The following RB1CC1 variants were observed in gnomAD, a reference collection of about 807,000 sequenced individuals.
RB1CC1 encodes RB1 inducible coiled-coil 1, also known as RB1-inducible coiled-coil protein 1.
Under a neutral mutation model 177.5 loss-of-function variants are expected in RB1CC1, and 46 were observed. The ratio of observed to expected loss-of-function variants is 0.26; its 90% confidence interval spans 0.20 to 0.33. The LOEUF (loss-of-function observed/expected upper bound fraction) is 0.33. Among genes scored for constraint, RB1CC1 ranks in the 10% least tolerant of loss-of-function variants. The pLI is 1.00. For synonymous variants in RB1CC1, 666 were observed against 613.6 expected, an observed-to-expected ratio of 1.09 and a Z score of -1.26; for missense variants, 1,703 against 1,816.3, an observed-to-expected ratio of 0.94 and a Z score of 1.13.
At chr8:52,701,340 G>C (rs1433228468) in intron 1 of RB1CC1, among the ~76,000 whole-genome samples, 1 of 152,030 alleles carries the variant, frequency 6.6e-6, no homozygotes, top group African/African-American at 2.4e-5. Flanking sequence ...GGCCAGGCTG[G>C]TCTCAAACTC....
At chr8:52,630,805 CTT>C (rs887194231) in intron 20 of RB1CC1, among the ~76,000 whole-genome samples, 1 of 152,096 alleles carries the variant, frequency 6.6e-6, no homozygotes, top group African/African-American at 2.4e-5. Flanking sequence ...TTCAAGAAGA[CTT>C]TGAAAATTCT....
At chr8:52,706,678 G>A (rs1856578250) in intron 1 of RB1CC1, among the ~76,000 whole-genome samples, 1 of 150,710 alleles carries the variant, frequency 6.6e-6, no homozygotes, top group Non-Finnish European at 1.5e-5. Context: ...CTTGCAGTAA[G>A]CCGAGATCTC....
At chr8:52,635,500 G>A (rs541917783) in intron 19 of RB1CC1, among the ~76,000 whole-genome samples, 1 of 152,212 alleles carries the variant, frequency 6.6e-6, no homozygotes, top group Admixed American at 6.5e-5. Context: ...ACAATGATCT[G>A]CCAAATGTGT....
At chr8:52,629,315 G>A (rs576082698) in intron 21 of RB1CC1, among the ~76,000 whole-genome samples, 2 of 152,294 alleles carry the variant, frequency 1.3e-5, no homozygotes, top group African/African-American at 4.8e-5. Flanking sequence ...CTATTCATAA[G>A]TTGCTAACAA....
intron 15 of RB1CC1, 105 bp downstream of exon 15, chr8:52,655,903 G>C (rs540769711): frequency 1.2e-6 from 1 of 864,780 alleles, no homozygotes; most frequent in South Asian, 2.2e-5. Flanking sequence ...TACCCTAGTT[G>C]CTACATTTAC....
intron 21 of RB1CC1, 85 bp downstream of exon 21, chr8:52,630,385 G>T: frequency 6.8e-7 from 1 of 1,466,136 alleles, no homozygotes; most frequent in Non-Finnish European, 9.1e-7. Flanking sequence ...ACCTGGACCT[G>T]AATTACTGTC....
chr8:52,709,935 C>G (rs980685318), intron 1 of RB1CC1, among the ~76,000 whole-genome samples: 8 of 152,174 alleles, frequency 5.3e-5, no homozygotes, highest in African/African-American at 1.9e-4. Flanking sequence ...TGCTTTCCAG[C>G]TGAATAGAAC....
chr8:52,681,153 G>T (rs775424965), intron 5 of RB1CC1, among the ~76,000 whole-genome samples: 2 of 151,484 alleles, frequency 1.3e-5, no homozygotes, highest in African/African-American at 4.9e-5. Context: ...CAGCATGCCC[G>T]GCTAATTTTT....
Position 52,622,719 on chromosome 8 carries a change from C to A in RB1CC1, c.*1063G>T, listed in dbSNP as rs1049222800. 1.3e-5 allele frequency: 2 copies of A among 151,974 alleles called. No individual in the cohort carries two copies. Among genetic ancestry groups the A allele is most frequent in the African/African-American group, 4.8e-5 (2 of 41,384 alleles). 9.4% of individuals were successfully genotyped at this position (151,974 alleles called of 1,614,324 possible). On this transcript the variant is annotated 3_prime_UTR_variant, in exon 24 of 24. Coordinates refer to ENST00000025008, the MANE Select transcript of RB1CC1 (RefSeq NM_014781.5). ...AACTTCTCTAAAGATCTAGTTTACA[C>A]AATTCTATTCTACATAACACTGTTT...
chr8:52,691,420 A>C (rs776555300), intron 1 of RB1CC1, among the ~76,000 whole-genome samples: 4 of 152,210 alleles, frequency 2.6e-5, no homozygotes, highest in Non-Finnish European at 4.4e-5. Context: ...AGCTGAAAGA[A>C]ATAAACCTAA....
intron 15 of RB1CC1, among the ~76,000 whole-genome samples, chr8:52,653,083 C>CA (rs1309325831): frequency 2.0e-5 from 3 of 151,824 alleles, no homozygotes; most frequent in Admixed American, 6.6e-5. Flanking sequence ...AAAAAACAAA[C>CA]AAAAAAACAA....
In RB1CC1 at chr8:52,707,054, A is replaced by G. The variant is rs540276030; in HGVS notation, c.-167+7021T>C. On this transcript the variant is annotated intron_variant, in intron 1 of 23. Coordinates refer to ENST00000025008, the MANE Select transcript of RB1CC1 (RefSeq NM_014781.5). ...AGAAGTATATTCAAGTCCTGGCCCA[A>G]TGTGACCTGAACTGACTTCACCTAA... is the stretch of plus-strand genomic sequence containing the variant. 3.9e-5 allele frequency among the ~76,000 whole-genome samples: 6 copies of G among 152,332 alleles called. No homozygotes were observed. In the East Asian group the frequency reaches 9.7e-4, roughly 25 times the overall value.
chr8:52,674,879 C>T (rs1406521042), intron 6 of RB1CC1, among the ~76,000 whole-genome samples: 1 of 151,912 alleles, frequency 6.6e-6, no homozygotes, highest in Non-Finnish European at 1.5e-5. Context: ...CAAAAAGATT[C>T]ACCATAGCAG....
intron 5 of RB1CC1, among the ~76,000 whole-genome samples, chr8:52,681,271 C>T (rs1261287117): frequency 6.6e-6 from 1 of 152,110 alleles, no homozygotes; most frequent in Non-Finnish European, 1.5e-5. Flanking sequence ...GCTGGGATTA[C>T]AGGCATAAGC....
chr8:52,682,596 GCT>G (rs1384004706), intron 5 of RB1CC1, among the ~76,000 whole-genome samples: 1 of 150,962 alleles, frequency 6.6e-6, no homozygotes. Flanking sequence ...AGTTTTAATT[GCT>G]CTTTCTAATC....
chr8:52,706,868 G>A (rs963630683), intron 1 of RB1CC1, among the ~76,000 whole-genome samples: 4 of 151,944 alleles, frequency 2.6e-5, no homozygotes, highest in African/African-American at 7.3e-5. Flanking sequence ...CGCCATGCTG[G>A]CCAGGCTGGT....
rs561419411 is a variant in RB1CC1, at chr8:52,648,814, T to C, written c.3822-2947A>G. Among the ~76,000 whole-genome samples, 3 of 152,310 alleles carry C rather than the reference T, an allele frequency of 2.0e-5. No individual in the cohort carries two copies. In the East Asian group the frequency reaches 5.8e-4, roughly 29 times the overall value. On this transcript the variant is annotated intron_variant, in intron 15 of 23. Transcript: ENST00000025008. ...GCATTTGATTTTTTTTCTTACTAAATCAAGAACTTTCATCTTTTCACTTAA... is the reference window on the plus strand; with the variant it reads ...GCATTTGATTTTTTTTCTTACTAAACCAAGAACTTTCATCTTTTCACTTAA...
At chr8:52,647,285 TC>T (rs1850132193) in intron 15 of RB1CC1, among the ~76,000 whole-genome samples, 1 of 152,128 alleles carries the variant, frequency 6.6e-6, no homozygotes, top group Non-Finnish European at 1.5e-5. Flanking sequence ...AATATCTCTA[TC>T]AAAGTCTGAG....
chr8:52,667,784 T>C (rs1024347948), intron 8 of RB1CC1, among the ~76,000 whole-genome samples: 2 of 152,196 alleles, frequency 1.3e-5, no homozygotes, highest in African/African-American at 4.8e-5. Context: ...TTTCAACATA[T>C]CAAAAAATGT....
Sources: gnomAD v4.1 joint callset for allele counts (sites outside exome capture counted in the v4.1 genomes callset) on GRCh38, gnomAD v4.1.1 for gene constraint, MANE v1.5 for transcripts, NCBI Gene and HGNC (gene_info 2026-07-23, HGNC 2026-07-21) for gene names.